The following IGBP1C variants were observed in gnomAD, a reference collection of about 807,000 sequenced individuals.
The protein encoded by IGBP1C is IGBP1 family member C, also known as immunoglobulin-binding protein 1 family member C.
the IGBP1C span, among the ~76,000 whole-genome samples, chr17:58,682,170 A>G: frequency 6.6e-6 from 1 of 151,950 alleles, no homozygotes; most frequent in Non-Finnish European, 1.5e-5. Flanking sequence ...GCTGGGCTCA[A>G]ACTCCTGGGC....
chr17:58,662,415 TCACACACACACA>T, the IGBP1C span, among the ~76,000 whole-genome samples: 69 of 114,992 alleles, frequency 6.0e-4, 2 homozygotes, highest in South Asian at 0.014. Context: ...CACACATATC[TCACACACACACA>T]CACACACACA....
chr17:58,685,146 A>C, the IGBP1C span, among the ~76,000 whole-genome samples: 1 of 152,260 alleles, frequency 6.6e-6, no homozygotes, highest in Admixed American at 6.5e-5. Flanking sequence ...AAAATTGAAT[A>C]CATTAGATTT....
At chr17:58,684,029 C>T in the IGBP1C span, among the ~76,000 whole-genome samples, 2 of 152,130 alleles carry the variant, frequency 1.3e-5, no homozygotes, top group South Asian at 4.1e-4. Flanking sequence ...GGTGCCACTG[C>T]ACTCCAGCCT....
chr17:58,669,361 CA>C, the IGBP1C span, among the ~76,000 whole-genome samples: 35 of 135,712 alleles, frequency 2.6e-4, no homozygotes, highest in Admixed American at 5.2e-4. Flanking sequence ...CAAAAACAAA[CA>C]AAAAAAAAAA....
chr17:58,670,225 C>G, the IGBP1C span, among the ~76,000 whole-genome samples: 1 of 152,040 alleles, frequency 6.6e-6, no homozygotes, highest in African/African-American at 2.4e-5. Flanking sequence ...AGTCAGTTTC[C>G]TGGGCTAGAC....
the IGBP1C span, chr17:58,660,437 C>T: frequency 2.1e-6 from 1 of 480,524 alleles, no homozygotes. Flanking sequence ...TAATTTAACA[C>T]TTTATTGAAC....
the IGBP1C span, among the ~76,000 whole-genome samples, chr17:58,690,309 G>A: frequency 7.9e-5 from 12 of 152,056 alleles, no homozygotes; most frequent in Admixed American, 7.9e-4. Flanking sequence ...TGGGACTAGA[G>A]GCATGTACCA....
chr17:58,671,428 A>C, the IGBP1C span, among the ~76,000 whole-genome samples: 1 of 152,158 alleles, frequency 6.6e-6, no homozygotes, highest in East Asian at 1.9e-4. Context: ...GCTGAGGCTG[A>C]GACCAGCACA....
the IGBP1C span, among the ~76,000 whole-genome samples, chr17:58,691,787 C>T: frequency 6.6e-6 from 1 of 152,058 alleles, no homozygotes; most frequent in Non-Finnish European, 1.5e-5. Flanking sequence ...TTGCCTTCCT[C>T]CCCGAAGTTC....
chr17:58,664,711 A>C, the IGBP1C span, among the ~76,000 whole-genome samples: 7 of 152,220 alleles, frequency 4.6e-5, no homozygotes, highest in Non-Finnish European at 1.0e-4. Flanking sequence ...CTCTGATAAA[A>C]TATATACATT....
the IGBP1C span, among the ~76,000 whole-genome samples, chr17:58,673,784 C>T: frequency 6.6e-6 from 1 of 151,898 alleles, no homozygotes; most frequent in African/African-American, 2.4e-5. Flanking sequence ...TGTTGCCCAG[C>T]TTGGTCTCAA....
the IGBP1C span, chr17:58,660,746 T>C: frequency 2.6e-6 from 2 of 781,330 alleles, no homozygotes; most frequent in Non-Finnish European, 4.8e-6. Flanking sequence ...GGCTATTCCC[T>C]GATCTGGTAA....
chr17:58,688,723 C>A, the IGBP1C span, among the ~76,000 whole-genome samples: 2 of 152,088 alleles, frequency 1.3e-5, no homozygotes, highest in Non-Finnish European at 2.9e-5. Flanking sequence ...GACTCCGCAG[C>A]CCATGCTGGT....
the IGBP1C span, among the ~76,000 whole-genome samples, chr17:58,672,878 C>T: frequency 2.8e-4 from 43 of 151,466 alleles, no homozygotes; most frequent in African/African-American, 1.0e-3. Context: ...ATTACAGATG[C>T]GTGCCACCAT....
chr17:58,681,757 C>T, the IGBP1C span, among the ~76,000 whole-genome samples: 1 of 151,824 alleles, frequency 6.6e-6, no homozygotes, highest in African/African-American at 2.4e-5. Context: ...GAAGGAGAAT[C>T]GCTTGAACCT....
the IGBP1C span, among the ~76,000 whole-genome samples, chr17:58,667,967 G>A: frequency 1.3e-5 from 2 of 151,594 alleles, no homozygotes; most frequent in African/African-American, 4.9e-5. Flanking sequence ...CCTTCTCATA[G>A]GCCAGTCTGT....
the IGBP1C span, among the ~76,000 whole-genome samples, chr17:58,679,108 T>A: frequency 6.6e-6 from 1 of 151,822 alleles, no homozygotes; most frequent in Admixed American, 6.6e-5. Context: ...GAGCTGAGAT[T>A]GCGCCATTGT....
chr17:58,666,592 CCA>C, the IGBP1C span: 1 of 151,970 alleles, frequency 6.6e-6, no homozygotes, highest in African/African-American at 2.4e-5. Flanking sequence ...CTGTAGTTAC[CCA>C]CATTTGGGGA....
the IGBP1C span, among the ~76,000 whole-genome samples, chr17:58,672,450 T>C: frequency 1.3e-5 from 2 of 152,228 alleles, no homozygotes; most frequent in South Asian, 2.1e-4. Context: ...ATTCCTTTTT[T>C]TGAGACAGAG....
Sources: gnomAD v4.1 joint callset for allele counts (sites outside exome capture counted in the v4.1 genomes callset) on GRCh38, gnomAD v4.1.1 for gene constraint, MANE v1.5 for transcripts, NCBI Gene and HGNC (gene_info 2026-07-23, HGNC 2026-07-21) for gene names.